Variants in DDX39B observed in about 807,000 individuals in gnomAD.
The protein encoded by DDX39B is spliceosome RNA helicase DDX39B.
In DDX39B, 6 loss-of-function variants were observed where a neutral mutation model predicts 46.4. The ratio of observed to expected loss-of-function variants is 0.13; its 90% CI spans 0.07 to 0.26. The LOEUF is 0.26. DDX39B is among the 10% of genes least tolerant of loss of function. The pLI is 1.00. For synonymous variants in DDX39B, 174 were observed against 199.4 expected (o/e 0.87, Z 1.07); for missense variants, 185 against 553.4 (o/e 0.33, Z 6.68).
chr6:31,541,120 T>C (rs1050072244), intron 1 of DDX39B: 2 of 533,558 alleles, frequency 3.7e-6, no homozygotes, highest in South Asian at 1.4e-5. Flanking sequence ...TCAAGGGTGA[T>C]AGATGAGGGT....
At chr6:31,537,019 C>G (rs560176098) in intron 4 of DDX39B, among the ~76,000 whole-genome samples, 2 of 152,254 alleles carry the variant, frequency 1.3e-5, no homozygotes, top group South Asian at 2.1e-4. Context: ...ACTCAGGAGG[C>G]TGAGGCACGA....
chr6:31,532,932 G>T, intron 6 of DDX39B, 21 bp from the exon 7 acceptor site: 1 of 1,081,052 alleles, frequency 9.3e-7, no homozygotes, highest in Non-Finnish European at 1.3e-6. Context: ...GGAAGGGGGT[G>T]GGGAACGGGA....
Position 31,535,291 on chromosome 6 carries a change from G to C in DDX39B, c.735+76C>G. ...TTCTTGGCACTTGAATGACAAGGGA[G>C]TCTGAGGAAGAGGGCGAGGAAGGGG... On this transcript the variant is annotated intron_variant, in intron 6 of 10. Coordinates refer to ENST00000396172, the MANE Select transcript of DDX39B (RefSeq NM_004640.7). This position sits in a 1 kb window ranked among gnomAD's most constrained non-coding sequence, Gnocchi z 4.6. The C allele has an allele frequency of 2.1e-6, 3 of 1,400,026 alleles. No individual in the cohort carries two copies. Among genetic ancestry groups the C allele is most frequent in the Non-Finnish European group, 3.0e-6 (3 of 986,184 alleles). 86.7% of individuals were successfully genotyped at this position (1,400,026 alleles called of 1,614,324 possible). A position where few individuals can be genotyped will look rare whatever the true frequency, so the allele number is the denominator to read the frequency against.
At position 31,535,984 on chromosome 6, in the gene DDX39B, C is replaced by T. The variant is rs1767738072; in HGVS notation, c.617-499G>A. On this transcript the variant is annotated intron_variant, in intron 5 of 10. Coordinates refer to ENST00000396172, the MANE Select transcript of DDX39B (RefSeq NM_004640.7). The surrounding 1 kb of genome is among the most constrained non-coding windows in gnomAD (Gnocchi z 4.6). ...GACTTATGGGGCCTATGTCCAACCC[C>T]ACTCTCATTCACCAAGATTCAATTC... Among the ~76,000 whole-genome samples, 1 of 152,170 alleles carries T rather than the reference C, an allele frequency of 6.6e-6. No homozygotes were observed. Among genetic ancestry groups the T allele is most frequent in the Non-Finnish European group, 1.5e-5 (1 of 68,038 alleles).
At position 31,541,933 on chromosome 6, in the gene DDX39B, C is replaced by G. The variant is rs1768530825; in HGVS notation, c.-133+17G>C. 2 of 647,502 alleles carry G rather than the reference C, an allele frequency of 3.1e-6. No homozygotes were observed. The highest frequency in any genetic ancestry group is 2.3e-5 in the Admixed American group (1 of 44,012). 40.1% of individuals were successfully genotyped at this position (647,502 alleles called of 1,614,324 possible). On this transcript the variant is annotated intron_variant, in intron 1 of 10. Transcript: ENST00000396172. ...AAGCGCAGATGGAAACGGATTGTAG[C>G]GAAGGCCAAAGCTTACCTAAACAGG...
Position 31,534,421 on chromosome 6 carries a change from C to T in DDX39B, c.735+946G>A. The T allele has an allele frequency of 2.1e-6, 1 of 466,108 alleles. No homozygotes were observed. The highest frequency in any genetic ancestry group is 1.6e-5 in the South Asian group (1 of 64,178). 28.9% of individuals were successfully genotyped at this position (466,108 alleles called of 1,614,324 possible). ...GCAGGGAGGGGAAGAACACACTCCACTGCTTATGCAATTGGCCCCACCTAG... is the reference window on the plus strand; with the variant it reads ...GCAGGGAGGGGAAGAACACACTCCATTGCTTATGCAATTGGCCCCACCTAG... On this transcript the variant is annotated intron_variant, in intron 6 of 10. Transcript: ENST00000396172. The surrounding 1 kb of genome is among the most constrained non-coding windows in gnomAD (Gnocchi z 5.1).
chr6:31,532,707 GT>G lies in DDX39B; in HGVS notation c.867+72del, dbSNP rs1227016462. The stretch of plus-strand genomic sequence containing the variant: ...CACATGTGATTTCCTCAATAAAAGT[GT>G]ACTTAATATCCAGGTTTCTGCTACA... On this transcript the variant is annotated intron_variant, in intron 7 of 10. Transcript: ENST00000396172. 21 of 1,557,642 alleles carry G rather than the reference GT, an allele frequency of 1.3e-5. No individual in the cohort carries two copies. In the Admixed American group the frequency reaches 2.7e-4, roughly 20 times the overall value.
rs762220335 is a variant in DDX39B, at chr6:31,530,404, G to A, written c.*30C>T. On this transcript the variant is annotated 3_prime_UTR_variant, in exon 11 of 11. Transcript: ENST00000396172. The surrounding 1 kb of genome is among the most constrained non-coding windows in gnomAD (Gnocchi z 4.5). ...CCCTGGTGTCCTCTCCTGAAGGACAGACGGTCACATTCCAAAATGGGCGAG... is the reference window on the plus strand; with the variant it reads ...CCCTGGTGTCCTCTCCTGAAGGACAAACGGTCACATTCCAAAATGGGCGAG... 2 of 1,612,712 alleles carry A rather than the reference G, an allele frequency of 1.2e-6. No homozygotes were observed. The highest frequency in any genetic ancestry group is 1.1e-5 in the South Asian group (1 of 91,056).
chr6:31,531,475 G>T lies in DDX39B; in HGVS notation c.868-70C>A. The T allele has an allele frequency of 7.4e-7, 1 of 1,346,160 alleles. No individual in the cohort carries two copies. Among genetic ancestry groups the T allele is most frequent in the Non-Finnish European group, 1.1e-6 (1 of 944,390 alleles). 83.4% of individuals were successfully genotyped at this position (1,346,160 alleles called of 1,614,324 possible). The stretch of plus-strand genomic sequence containing the variant: ...GTCCATGGTGTGTGAGAGACATTAC[G>T]TGGGAGAGGGGAGTTTCTAGTAATT... On this transcript the variant is annotated intron_variant, in intron 7 of 10. Coordinates refer to ENST00000396172, the MANE Select transcript of DDX39B (RefSeq NM_004640.7). The surrounding 1 kb of genome is among the most constrained non-coding windows in gnomAD (Gnocchi z 5.8).
Position 31,536,899 on chromosome 6 carries a change from T to C in DDX39B, c.433-216A>G, listed in dbSNP as rs138276959. On this transcript the variant is annotated intron_variant, in intron 4 of 10. Coordinates refer to ENST00000396172, the MANE Select transcript of DDX39B (RefSeq NM_004640.7). ...TGGCTAGTCGGAGCAGTCAGGACAA[T>C]AATTCAGTTCTACTGACTTAATCTA... is the stretch of plus-strand genomic sequence containing the variant. Among the ~76,000 whole-genome samples the C allele has an allele frequency of 1.3e-3, 201 of 152,294 alleles. 1 individual carries two copies. The highest frequency in any genetic ancestry group is 4.7e-3 in the African/African-American group (195 of 41,552).
chr6:31,539,772 G>C (rs1229675242), intron 2 of DDX39B, among the ~76,000 whole-genome samples: 1 of 152,110 alleles, frequency 6.6e-6, no homozygotes, highest in African/African-American at 2.4e-5. Context: ...CCCAACAGAG[G>C]GAGACTACAG....
rs552707112 is a variant in DDX39B at position 31,531,495 on chromosome 6, G to A, written c.868-90C>T. On this transcript the variant is annotated intron_variant, in intron 7 of 10. Transcript: ENST00000396172. This position sits in a 1 kb window ranked among gnomAD's most constrained non-coding sequence, Gnocchi z 5.8. ...ATTACGTGGGAGAGGGGAGTTTCTA[G>A]TAATTACGTTCTCAGGAATTCCTCT... is the stretch of plus-strand genomic sequence containing the variant. The A allele has an allele frequency of 2.0e-5, 21 of 1,059,366 alleles. No homozygotes were observed. The highest frequency in any genetic ancestry group is 2.6e-5 in the Non-Finnish European group (18 of 698,538). The allele number at this position is 1,059,366 out of a possible 1,614,324, so 65.6% of individuals were successfully genotyped here. A position where few individuals can be genotyped will look rare whatever the true frequency, so the allele number is the denominator to read the frequency against.
Position 31,535,585 on chromosome 6 carries a change from G to C in DDX39B, c.617-100C>G, listed in dbSNP as rs1767700295. 1 of 866,694 alleles carries C rather than the reference G, an allele frequency of 1.2e-6. No individual in the cohort carries two copies. Among genetic ancestry groups the C allele is most frequent in the Admixed American group, 2.0e-5 (1 of 48,814 alleles). 53.7% of individuals were successfully genotyped at this position (866,694 alleles called of 1,614,324 possible). A position where few individuals can be genotyped will look rare whatever the true frequency, so the allele number is the denominator to read the frequency against. On this transcript the variant is annotated intron_variant, in intron 5 of 10. Coordinates refer to ENST00000396172, the MANE Select transcript of DDX39B (RefSeq NM_004640.7). The surrounding 1 kb of genome is among the most constrained non-coding windows in gnomAD (Gnocchi z 4.6). ...AGTGAGGTGAAGATTGCTGGAAATA[G>C]TAACAACACAATGGAAAGAGCAATG... is the stretch of plus-strand genomic sequence containing the variant.
intron 6 of DDX39B, chr6:31,533,659 C>T (rs1325687226): frequency 6.6e-6 from 1 of 152,538 alleles, no homozygotes; most frequent in Non-Finnish European, 1.5e-5. Context: ...AGGATCTCAC[C>T]ATGTTGCCCA....
chr6:31,532,757 C>A (rs767169232), intron 7 of DDX39B, 23 bp downstream of exon 7: 1 of 1,609,076 alleles, frequency 6.2e-7, no homozygotes, highest in Non-Finnish European at 8.5e-7. Context: ...AATGCTCATC[C>A]CCCTACTGGA....
chr6:31,541,261 C>G (rs1006441928), intron 1 of DDX39B: 24 of 527,694 alleles, frequency 4.5e-5, no homozygotes, highest in Non-Finnish European at 9.4e-5. Context: ...GTGTAATTAG[C>G]ATGGGGGGGA....
Position 31,540,622 on chromosome 6 carries a change from G to T in DDX39B, c.-90C>A. The T allele has an allele frequency of 8.1e-7, 1 of 1,236,254 alleles. No individual in the cohort carries two copies. The highest frequency in any genetic ancestry group is 1.2e-6 in the Non-Finnish European group (1 of 863,272). The allele number at this position is 1,236,254 out of a possible 1,614,324, so 76.6% of individuals were successfully genotyped here. A position where few individuals can be genotyped will look rare whatever the true frequency, so the allele number is the denominator to read the frequency against. ...CAAGGGGTGAAGAGTAGGGGATTGA[G>T]GAACAGCAAAGGAAAACAAAGATAC... On this transcript the variant is annotated 5_prime_UTR_variant, in exon 2 of 11. Transcript: ENST00000396172.
rs1473331220 is a variant in DDX39B at position 31,538,754 on chromosome 6, T to A, written c.432+9A>T. 2 of 1,610,002 alleles carry A rather than the reference T, an allele frequency of 1.2e-6. No homozygotes were observed. The highest frequency in any genetic ancestry group is 4.5e-5 in the East Asian group (2 of 44,868). On this transcript the variant is annotated intron_variant, in intron 4 of 10. Coordinates refer to ENST00000396172, the MANE Select transcript of DDX39B (RefSeq NM_004640.7). ...ACCCTCACTCTCAGGTCTCTTTACC[T>A]TGGCTTACCTTGACATTGGGCATGT... is the stretch of plus-strand genomic sequence containing the variant.
intron 4 of DDX39B, 72 bp downstream of exon 4, chr6:31,538,691 T>A: frequency 1.5e-6 from 2 of 1,364,366 alleles, no homozygotes; most frequent in Admixed American, 2.1e-5. Flanking sequence ...TTAAAGAGAC[T>A]ATTGGCCTAC....
Sources: allele counts gnomAD v4.1 joint callset (sites outside exome capture counted in the v4.1 genomes callset), GRCh38; gene constraint gnomAD v4.1.1; non-coding constraint Gnocchi (gnomAD v3.1); transcripts MANE v1.5; gene names NCBI Gene and HGNC (gene_info 2026-07-23, HGNC 2026-07-21).